ATRNL1: variants seen among roughly 807,000 people sequenced by gnomAD.
ATRNL1 encodes attractin like 1.
In ATRNL1, 95 loss-of-function variants were observed where a neutral mutation model predicts 182.7. The ratio of observed to expected loss-of-function variants is 0.52; its 90% CI spans 0.44 to 0.62. The LOEUF is 0.62. ATRNL1 is among the 20% of genes least tolerant of loss of function. The pLI, the probability that ATRNL1 is intolerant of heterozygous loss-of-function variation, is 0.00. For synonymous variants in ATRNL1, 576 were observed against 568.3 expected (o/e 1.01, Z -0.19); for missense variants, 1,471 against 1,679.5 (o/e 0.88, Z 2.17).
At chr10:115,577,781 T>C (rs1477466000) in intron 26 of ATRNL1, among the ~76,000 whole-genome samples, 1 of 151,786 alleles carries the variant, frequency 6.6e-6, no homozygotes, top group Non-Finnish European at 1.5e-5. Context: ...GTACTATCAG[T>C]ACTATGTTTA....
At chr10:115,920,251 G>A (rs1181655132) in intron 28 of ATRNL1, among the ~76,000 whole-genome samples, 1 of 152,082 alleles carries the variant, frequency 6.6e-6, no homozygotes, top group Non-Finnish European at 1.5e-5. Context: ...CACCTTCACG[G>A]ATATCCAGCA....
intron 28 of ATRNL1, among the ~76,000 whole-genome samples, chr10:115,916,428 T>A (rs188969338): frequency 6.6e-6 from 1 of 152,314 alleles, no homozygotes; most frequent in East Asian, 1.9e-4. Context: ...CTCGGTCTAT[T>A]GGTCATGCAC....
chr10:115,860,070 GA>G, intron 28 of ATRNL1, among the ~76,000 whole-genome samples: 1 of 152,242 alleles, frequency 6.6e-6, no homozygotes, highest in East Asian at 1.9e-4. Context: ...AAAAGCACTG[GA>G]AAAAATATGA....
At chr10:115,867,846 C>T (rs2134407409) in intron 28 of ATRNL1, among the ~76,000 whole-genome samples, 1 of 152,082 alleles carries the variant, frequency 6.6e-6, no homozygotes, top group South Asian at 2.1e-4. Context: ...AAGTGATTCT[C>T]CTGCCTCAGC....
At chr10:115,445,919 A>T (rs1034570628) in intron 21 of ATRNL1, among the ~76,000 whole-genome samples, 4 of 152,202 alleles carry the variant, frequency 2.6e-5, no homozygotes, top group Admixed American at 6.5e-5. Context: ...GTTATAGCAG[A>T]AATCATTACT....
chr10:115,761,023 G>T (rs1008553752), intron 27 of ATRNL1, among the ~76,000 whole-genome samples: 1 of 152,166 alleles, frequency 6.6e-6, no homozygotes, highest in East Asian at 1.9e-4. Flanking sequence ...AACATAGGCA[G>T]CCTTTCATGC....
At chr10:115,944,073 G>T (rs1335336873) in intron 28 of ATRNL1, among the ~76,000 whole-genome samples, 1 of 151,776 alleles carries the variant, frequency 6.6e-6, no homozygotes, top group Non-Finnish European at 1.5e-5. Flanking sequence ...GTATTTTAGG[G>T]CAGTGAAACT....
Position 115,374,168 on chromosome 10 carries a change from T to C in ATRNL1, c.3176-20491T>C, listed in dbSNP as rs1198746889. Reference sequence around the variant, plus strand: ...TTTGTTGATATAAAATTGTGCATAGTAGTCTCATAATCTTCTATGATATTA... The same window carrying C: ...TTTGTTGATATAAAATTGTGCATAGCAGTCTCATAATCTTCTATGATATTA... On this transcript the variant is annotated intron_variant, in intron 19 of 28. Coordinates refer to ENST00000355044, the MANE Select transcript of ATRNL1 (RefSeq NM_207303.4). 3.3e-5 allele frequency among the ~76,000 whole-genome samples: 5 copies of C among 151,950 alleles called. No homozygotes were observed. In the East Asian group the frequency reaches 9.6e-4, roughly 29 times the overall value.
chr10:115,527,866 CTTT>C (rs1851310781), intron 25 of ATRNL1, among the ~76,000 whole-genome samples: 1 of 114,580 alleles, frequency 8.7e-6, no homozygotes, highest in Non-Finnish European at 1.8e-5. Flanking sequence ...TTCCTTCCTT[CTTT>C]CCTTCCCTCC....
chr10:115,824,317 T>C (rs1180983428), intron 27 of ATRNL1, among the ~76,000 whole-genome samples: 2 of 152,122 alleles, frequency 1.3e-5, no homozygotes, highest in African/African-American at 4.8e-5. Flanking sequence ...CCTAAAACCA[T>C]AGAAACCCTA....
At chr10:115,907,092 T>A (rs1952526559) in intron 28 of ATRNL1, among the ~76,000 whole-genome samples, 2 of 148,780 alleles carry the variant, frequency 1.3e-5, no homozygotes, top group Admixed American at 6.6e-5. Context: ...GAATTTGAGG[T>A]CTAGAAAGTC....
At chr10:115,285,609 G>A (rs1308811428) in intron 14 of ATRNL1, among the ~76,000 whole-genome samples, 1 of 152,032 alleles carries the variant, frequency 6.6e-6, no homozygotes, top group African/African-American at 2.4e-5. Flanking sequence ...TTACTGAACA[G>A]TATGTTTCAT....
In ATRNL1 at chr10:115,484,023, A is replaced by G. The variant is rs1271343548; in HGVS notation, c.3654+14694A>G. On this transcript the variant is annotated intron_variant, in intron 24 of 28. Transcript: ENST00000355044. ...TAAGAATACAGTTGAATAAACCTAC[A>G]CTAGGTCTCTCAAAAGCAGAGTGCC... Among the ~76,000 whole-genome samples, 3 of 151,730 alleles carry G rather than the reference A, an allele frequency of 2.0e-5. No individual in the cohort carries two copies. The East Asian group carries it at 5.8e-4, about 29-fold the overall frequency.
At position 115,095,360 on chromosome 10, in the gene ATRNL1, CTT is replaced by C. The variant is rs367762933; in HGVS notation, c.293+1331_293+1332del. On this transcript the variant is annotated intron_variant, in intron 1 of 28. Coordinates refer to ENST00000355044, the MANE Select transcript of ATRNL1 (RefSeq NM_207303.4). ...GGAATTTTAAACACAGCATACTTTC[CTT>C]TTTTTTTTTTTTTAAAAAAAAACTT... Among the ~76,000 whole-genome samples, 1,170 of 141,282 alleles carry C rather than the reference CTT, an allele frequency of 8.3e-3. 11 individuals carry two copies. The highest frequency in any genetic ancestry group is 0.027 in the African/African-American group (1,026 of 37,848). The allele number at this position is 141,282 out of a possible 152,430, so 92.7% of individuals were successfully genotyped here.
chr10:115,927,324 A>G (rs1346639900), intron 28 of ATRNL1, among the ~76,000 whole-genome samples: 2 of 152,180 alleles, frequency 1.3e-5, no homozygotes, highest in African/African-American at 4.8e-5. Context: ...AAAACCTGGA[A>G]GCATTCCCTT....
At chr10:115,311,073 C>T (rs531697973) in intron 17 of ATRNL1, among the ~76,000 whole-genome samples, 2 of 152,102 alleles carry the variant, frequency 1.3e-5, no homozygotes, top group South Asian at 2.1e-4. Flanking sequence ...ACCCCAAAAT[C>T]GTTCAGGAGC....
At chr10:115,522,941 G>A (rs1188451609) in intron 25 of ATRNL1, among the ~76,000 whole-genome samples, 3 of 152,184 alleles carry the variant, frequency 2.0e-5, no homozygotes, top group Non-Finnish European at 4.4e-5. Flanking sequence ...TGGGAACATG[G>A]ATGCACCATA....
chr10:115,232,295 T>C (rs1224783697), intron 9 of ATRNL1, among the ~76,000 whole-genome samples: 6 of 152,190 alleles, frequency 3.9e-5, no homozygotes, highest in African/African-American at 1.4e-4. Flanking sequence ...TTTGCCAATA[T>C]GGTGAGTATA....
intron 10 of ATRNL1, among the ~76,000 whole-genome samples, chr10:115,242,546 G>A (rs116160178): frequency 0.012 from 1,814 of 151,898 alleles, 35 homozygotes; most frequent in African/African-American, 0.04. Context: ...AATTTGAAGC[G>A]ATTAGGAAAC....
Sources: allele counts gnomAD v4.1 joint callset (sites outside exome capture counted in the v4.1 genomes callset), GRCh38; gene constraint gnomAD v4.1.1; transcripts MANE v1.5; gene names NCBI Gene and HGNC (gene_info 2026-07-23, HGNC 2026-07-21).